The following ODF2L variants were observed in gnomAD, a reference collection of about 807,000 sequenced individuals.
ODF2L encodes outer dense fiber of sperm tails 2 like.
ODF2L carries 76 observed loss-of-function variants against 86.3 expected under a neutral mutation model. That is an observed-to-expected ratio of 0.88 (90% CI 0.73 to 1.07). The LOEUF (loss-of-function observed/expected upper bound fraction) is 1.07. Among genes scored for constraint, ODF2L ranks in the 50% least tolerant of loss-of-function variants. ODF2L has a pLI of 0.00. For missense variants in ODF2L, 748 were observed against 717.4 expected, an observed-to-expected ratio of 1.04 and a Z score of -0.49; for synonymous variants, 241 against 231.3, an observed-to-expected ratio of 1.04 and a Z score of -0.38.
chr1:86,351,030 C>G (rs531155480), exon 18 of ODF2L: 1 of 152,140 alleles, frequency 6.6e-6, no homozygotes, highest in East Asian at 1.9e-4. Context: ...AAATTTTCTC[C>G]CATTCTGTCG....
intron 1 of ODF2L, among the ~76,000 whole-genome samples, chr1:86,389,398 A>G (rs1360250219): frequency 1.3e-5 from 2 of 152,142 alleles, no homozygotes; most frequent in East Asian, 1.9e-4. Context: ...AGGTGGTGCT[A>G]AGGGAAAGGT....
At chr1:86,368,840 C>A in intron 10 of ODF2L, 1 of 817,468 alleles carries the variant, frequency 1.2e-6, no homozygotes, top group Non-Finnish European at 1.7e-6. Flanking sequence ...AATCACCTAA[C>A]ACTTCTACGT....
At chr1:86,386,197 T>G (rs1660942205) in intron 2 of ODF2L, 1 of 152,260 alleles carries the variant, frequency 6.6e-6, no homozygotes, top group African/African-American at 2.4e-5. Flanking sequence ...ATATTTCATG[T>G]AAATAACAAG....
Position 86,370,402 on chromosome 1 carries a change from A to C in ODF2L, c.1056+616T>G, listed in dbSNP as rs185073701. The stretch of plus-strand genomic sequence containing the variant: ...ACTCTATGCTACTAATATATTATTT[A>C]TCCTGTGCACATAAACTTTATTTCA... On this transcript the variant is annotated intron_variant, in intron 10 of 17. Coordinates refer to ENST00000317336, the Ensembl canonical transcript of ODF2L. 3.9e-5 allele frequency among the ~76,000 whole-genome samples: 6 copies of C among 152,296 alleles called. No individual in the cohort carries two copies. The South Asian group carries it at 8.3e-4, about 21-fold the overall frequency.
At chr1:86,382,968 T>A (rs1333988621) in exon 6 of ODF2L, 2 of 1,571,334 alleles carry the variant, frequency 1.3e-6, no homozygotes, top group Admixed American at 3.4e-5. Flanking sequence ...TTCTTGGATA[T>A]GGGCCTCCTT....
intron 11 of ODF2L, among the ~76,000 whole-genome samples, chr1:86,367,623 C>T (rs1659533802): frequency 6.7e-6 from 1 of 150,146 alleles, no homozygotes; most frequent in Non-Finnish European, 1.5e-5. Context: ...GTACAACAAG[C>T]AGGGTTTTTG....
chr1:86,356,725 A>T lies in ODF2L; in HGVS notation c.1360-123T>A, dbSNP rs566250766. On this transcript the variant is annotated intron_variant, in intron 13 of 17. Coordinates refer to ENST00000317336, the Ensembl canonical transcript of ODF2L. Reference sequence around the variant, plus strand: ...TTAGGTATAATGGCTTTAAATAAGAACACAACTGAATAAATATTAAACTCT... The same window carrying T: ...TTAGGTATAATGGCTTTAAATAAGATCACAACTGAATAAATATTAAACTCT... The T allele has an allele frequency of 4.4e-6, 3 of 675,898 alleles. No homozygotes were observed. In the African/African-American group the frequency reaches 5.5e-5, roughly 12 times the overall value. 41.9% of individuals were successfully genotyped at this position (675,898 alleles called of 1,614,324 possible).
intron 1 of ODF2L, among the ~76,000 whole-genome samples, chr1:86,390,567 A>G (rs1661253317): frequency 6.6e-6 from 1 of 152,366 alleles, no homozygotes; most frequent in Admixed American, 6.5e-5. Context: ...CATAAACAGA[A>G]TTAAAAACAA....
Position 86,368,711 on chromosome 1 carries a change from T to G in ODF2L, c.1068A>C (p.Pro356=), listed in dbSNP as rs1252015476. 1.0e-5 allele frequency: 15 copies of G among 1,447,396 alleles called. No individual in the cohort carries two copies. The East Asian group carries it at 4.0e-4, about 38-fold the overall frequency. The allele number at this position is 1,447,396 out of a possible 1,614,324, so 89.7% of individuals were successfully genotyped here. The stretch of plus-strand genomic sequence containing the variant: ...TATTCTTTGACTCAGTAATTCTACA[T>G]GGGAATCTAAGCTAAAGACAATACA... The change falls in exon 11 of 18, where the codon CCA becomes CCC. Residue 356 remains proline (P), a synonymous_variant. Transcript: ENST00000317336.
intron 11 of ODF2L, among the ~76,000 whole-genome samples, chr1:86,365,452 A>C (rs1264303109): frequency 6.6e-6 from 1 of 152,194 alleles, no homozygotes; most frequent in Non-Finnish European, 1.5e-5. Flanking sequence ...CAAATTATAC[A>C]AACAAGTAAG....
chr1:86,368,532 C>G, intron 11 of ODF2L: 1 of 1,086,426 alleles, frequency 9.2e-7, no homozygotes, highest in Non-Finnish European at 1.2e-6. Flanking sequence ...CCATAGATAA[C>G]ATTTTTACCT....
intron 1 of ODF2L, among the ~76,000 whole-genome samples, chr1:86,395,355 C>T (rs1432043509): frequency 6.6e-6 from 1 of 152,150 alleles, no homozygotes; most frequent in Non-Finnish European, 1.5e-5. Flanking sequence ...ACCTTAATGG[C>T]CCTGCGTTTA....
intron 8 of ODF2L, 180 bp from the exon 9 acceptor site, chr1:86,372,720 A>G (rs534512560): frequency 2.1e-4 from 82 of 396,214 alleles, no homozygotes; most frequent in Non-Finnish European, 3.4e-4. Context: ...AAAAATATGG[A>G]ACCAGCCTAA....
intron 11 of ODF2L, among the ~76,000 whole-genome samples, chr1:86,366,668 T>G (rs1377541268): frequency 1.3e-5 from 2 of 150,900 alleles, no homozygotes; most frequent in Non-Finnish European, 2.9e-5. Context: ...ATGAAAAAAT[T>G]CTTATAGGTA....
chr1:86,382,492 A>T, intron 6 of ODF2L, 134 bp from the exon 7 acceptor site: 1 of 1,414,746 alleles, frequency 7.1e-7, no homozygotes, highest in Non-Finnish European at 9.4e-7. Context: ...CTTTACATAA[A>T]CTGCCGCCCC....
At chr1:86,388,813 C>G (rs1479750118) in intron 1 of ODF2L, among the ~76,000 whole-genome samples, 3 of 152,088 alleles carry the variant, frequency 2.0e-5, no homozygotes, top group Non-Finnish European at 4.4e-5. Context: ...TAATTGGTAA[C>G]TGCCACTTAT....
intron 11 of ODF2L, among the ~76,000 whole-genome samples, chr1:86,366,717 T>C (rs998482799): frequency 6.6e-6 from 1 of 152,084 alleles, no homozygotes; most frequent in Non-Finnish European, 1.5e-5. Context: ...TGGGGAATAC[T>C]TTTTAAAATT....
chr1:86,390,259 A>G (rs1170505391), intron 1 of ODF2L, among the ~76,000 whole-genome samples: 1 of 152,014 alleles, frequency 6.6e-6, no homozygotes, highest in East Asian at 1.9e-4. Context: ...TGTCTCTACT[A>G]AAAATACAAA....
chr1:86,373,469 A>G (rs1268814613), intron 8 of ODF2L, among the ~76,000 whole-genome samples: 1 of 149,174 alleles, frequency 6.7e-6, no homozygotes, highest in East Asian at 1.9e-4. Flanking sequence ...TATATAAAAT[A>G]TATCTAGATA....
Sources: gnomAD v4.1 joint callset for allele counts (sites outside exome capture counted in the v4.1 genomes callset) on GRCh38, gnomAD v4.1.1 for gene constraint, MANE v1.5 for transcripts, NCBI Gene and HGNC (gene_info 2026-07-23, HGNC 2026-07-21) for gene names.